ADGRG6: variants seen among roughly 807,000 people sequenced by gnomAD.
ADGRG6 encodes adhesion G protein-coupled receptor G6.
A neutral mutation model predicts 142.4 loss-of-function variants in ADGRG6; 84 were observed. The ratio of observed to expected loss-of-function variants is 0.59; its 90% CI spans 0.49 to 0.71. The LOEUF (loss-of-function observed/expected upper bound fraction) is 0.71, where lower values mean the gene tolerates loss of function less well. Among genes scored for constraint, ADGRG6 ranks in the 30% least tolerant of loss-of-function variants. ADGRG6 has a pLI of 0.00. For missense variants in ADGRG6, 1,367 were observed against 1,466.6 expected (o/e 0.93, Z 1.11); for synonymous variants, 521 against 520.5 (o/e 1.00, Z -0.01).
intron 6 of ADGRG6, among the ~76,000 whole-genome samples, chr6:142,389,967 T>C (rs974091510): frequency 5.9e-5 from 9 of 151,792 alleles, no homozygotes; most frequent in Non-Finnish European, 1.2e-4. Context: ...ACAGTAGATA[T>C]AAGAAATCTA....
chr6:142,442,310 T>A (rs550362805), intron 24 of ADGRG6, among the ~76,000 whole-genome samples: 5 of 152,250 alleles, frequency 3.3e-5, no homozygotes, highest in African/African-American at 1.2e-4. Context: ...ATTTCTATAA[T>A]TTGGTTAATT....
At chr6:142,405,372 A>G (rs1169258170) in intron 14 of ADGRG6, 1 of 481,516 alleles carries the variant, frequency 2.1e-6, no homozygotes. Flanking sequence ...GTTTTGAGAA[A>G]ACCTCAAAAT....
At chr6:142,439,382 A>G (rs1777635091) in intron 24 of ADGRG6, among the ~76,000 whole-genome samples, 1 of 152,222 alleles carries the variant, frequency 6.6e-6, no homozygotes, top group Admixed American at 6.5e-5. Context: ...GCAGAGGTGA[A>G]TGGCACAAAG....
chr6:142,400,401 C>A, intron 10 of ADGRG6, 84 bp from the exon 11 acceptor site: 1 of 677,926 alleles, frequency 1.5e-6, no homozygotes, highest in South Asian at 1.7e-5. Flanking sequence ...CCAGCATTGT[C>A]ATTTTGCTTT....
chr6:142,383,200 T>C (rs3925894), intron 5 of ADGRG6, among the ~76,000 whole-genome samples: 1 of 152,200 alleles, frequency 6.6e-6, no homozygotes, highest in East Asian at 1.9e-4. Context: ...TTTTTATCCA[T>C]CAATGTTTAG....
intron 2 of ADGRG6, among the ~76,000 whole-genome samples, chr6:142,341,147 A>G (rs1249819859): frequency 1.3e-5 from 2 of 151,372 alleles, no homozygotes; most frequent in Non-Finnish European, 2.9e-5. Flanking sequence ...TTTCAGAGTA[A>G]TGAATGATGT....
chr6:142,305,233 A>G (rs1239985703), intron 1 of ADGRG6, among the ~76,000 whole-genome samples: 1 of 152,172 alleles, frequency 6.6e-6, no homozygotes, highest in Non-Finnish European at 1.5e-5. Flanking sequence ...AAACAGTGAT[A>G]TGTTTCAATG....
intron 10 of ADGRG6, 22 bp from the exon 11 acceptor site, chr6:142,400,463 G>A (rs774965365): frequency 1.8e-6 from 2 of 1,126,786 alleles, no homozygotes; most frequent in Non-Finnish European, 2.7e-6. Context: ...TATTTCTCAT[G>A]CTGGTTCTTA....
intron 22 of ADGRG6, among the ~76,000 whole-genome samples, chr6:142,427,363 A>T (rs1261072752): frequency 6.6e-6 from 1 of 152,152 alleles, no homozygotes; most frequent in Non-Finnish European, 1.5e-5. Context: ...CTCTTTGCTA[A>T]AACACAAGAG....
intron 6 of ADGRG6, among the ~76,000 whole-genome samples, chr6:142,390,036 A>G (rs1774807407): frequency 6.6e-6 from 1 of 151,856 alleles, no homozygotes; most frequent in Non-Finnish European, 1.5e-5. Flanking sequence ...ATTGATAACT[A>G]TTTCTAAGAA....
At position 142,401,992 on chromosome 6, in the gene ADGRG6, A is replaced by C; in HGVS notation, c.1680-2A>C. On this transcript the variant is annotated splice_acceptor_variant, in intron 11 of 24. Transcript: ENST00000367609. LOFTEE classifies it high-confidence loss of function. ...ATTTAAAATATCTATTTTGTTTCAT[A>C]GTTTTTACAATGCTACCAACCCATT... 1 of 1,428,598 alleles carries C rather than the reference A, an allele frequency of 7.0e-7. No homozygotes were observed. The highest frequency in any genetic ancestry group is 9.7e-7 in the Non-Finnish European group (1 of 1,026,598). 88.5% of individuals were successfully genotyped at this position (1,428,598 alleles called of 1,614,324 possible). A position where few individuals can be genotyped will look rare whatever the true frequency, so the allele number is the denominator to read the frequency against.
chr6:142,413,636 G>A (rs777024414), intron 18 of ADGRG6, among the ~76,000 whole-genome samples: 9 of 152,162 alleles, frequency 5.9e-5, no homozygotes, highest in Non-Finnish European at 1.0e-4. Context: ...TCATCTCTCT[G>A]GGCTGATGAA....
At chr6:142,401,193 G>A (rs1186264948) in intron 11 of ADGRG6, among the ~76,000 whole-genome samples, 1 of 152,126 alleles carries the variant, frequency 6.6e-6, no homozygotes, top group African/African-American at 2.4e-5. Context: ...TAAATACTTT[G>A]CATACTATAA....
chr6:142,390,288 T>G lies in ADGRG6; in HGVS notation c.1253T>G (p.Ile418Ser). The G allele has an allele frequency of 6.3e-7, 1 of 1,599,042 alleles. No individual in the cohort carries two copies. The highest frequency in any genetic ancestry group is 8.6e-7 in the Non-Finnish European group (1 of 1,168,562). Residue 418 changes from isoleucine to serine, a missense_variant, in exon 7 of 25, where the codon ATT becomes AGT. By Grantham distance (142) the Ile-to-Ser change is moderately radical. This residue lies in a region of ADGRG6 where 737 missense variants were observed against 746.5 expected (regional missense o/e 0.99). Coordinates refer to ENST00000367609, the MANE Select transcript of ADGRG6 (RefSeq NM_198569.3). ...ATTATCTATAGAATATCCGTAGTGATTCAGAACATCCTTCGTCACCCTGAG... is the reference window on the plus strand; with the variant it reads ...ATTATCTATAGAATATCCGTAGTGAGTCAGAACATCCTTCGTCACCCTGAG... The part of the protein sequence containing the change: ...DGIIYRISVV[I>S]QNILRHPEVK...
intron 22 of ADGRG6, among the ~76,000 whole-genome samples, chr6:142,421,883 A>G (rs1776668229): frequency 1.3e-5 from 2 of 152,202 alleles, no homozygotes; most frequent in South Asian, 4.1e-4. Flanking sequence ...TCCCAGAAAG[A>G]AAATTTAAAT....
chr6:142,325,953 G>A (rs931484212), intron 2 of ADGRG6, among the ~76,000 whole-genome samples: 3 of 151,538 alleles, frequency 2.0e-5, no homozygotes, highest in Admixed American at 6.6e-5. Flanking sequence ...ACTATGTAAG[G>A]TAGAAAAAAA....
At chr6:142,302,875 A>G (rs1403822812) in intron 1 of ADGRG6, 1 of 153,120 alleles carries the variant, frequency 6.5e-6, no homozygotes, top group Admixed American at 6.5e-5. Flanking sequence ...TAGTTTAGGA[A>G]GTAATTAAGG....
intron 2 of ADGRG6, among the ~76,000 whole-genome samples, chr6:142,347,046 C>G (rs996491113): frequency 6.6e-6 from 1 of 151,534 alleles, no homozygotes. Flanking sequence ...ATTTTTTAGT[C>G]AAGTAAAAAA....
chr6:142,318,272 TTA>T (rs1297125237), intron 2 of ADGRG6, among the ~76,000 whole-genome samples: 6 of 71,874 alleles, frequency 8.3e-5, no homozygotes, highest in Non-Finnish European at 9.5e-5. Context: ...TTATATATAT[TTA>T]TATTATATAT....
Sources: gnomAD v4.1 joint callset for allele counts (sites outside exome capture counted in the v4.1 genomes callset) on GRCh38, gnomAD v4.1.1 for gene constraint, gnomAD v4.1.1 regional missense constraint, MANE v1.5 for transcripts, NCBI Gene and HGNC (gene_info 2026-07-23, HGNC 2026-07-21) for gene names.